CHCHD3: variants seen among roughly 807,000 people sequenced by gnomAD.
CHCHD3 encodes coiled-coil-helix-coiled-coil-helix domain containing 3, also known as MICOS complex subunit MIC19.
In CHCHD3, 20 loss-of-function variants were observed where a neutral mutation model predicts 38.2. That is an observed-to-expected ratio of 0.52 (90% CI 0.37 to 0.76). The LOEUF is 0.76. CHCHD3 is among the 30% of genes least tolerant of loss of function. CHCHD3 has a pLI of 0.00. For missense variants in CHCHD3, 245 were observed against 279.2 expected (o/e 0.88, Z 0.87); for synonymous variants, 82 against 100.0 (o/e 0.82, Z 1.07).
intron 5 of CHCHD3, among the ~76,000 whole-genome samples, chr7:132,862,149 G>A (rs1387534513): frequency 6.6e-6 from 1 of 151,746 alleles, no homozygotes; most frequent in Non-Finnish European, 1.5e-5. Context: ...AGGAGGGAAA[G>A]AAGAAACGAA....
At chr7:133,007,914 G>A (rs538199242) in intron 3 of CHCHD3, among the ~76,000 whole-genome samples, 3 of 152,282 alleles carry the variant, frequency 2.0e-5, no homozygotes, top group Admixed American at 6.5e-5. Flanking sequence ...TTAACAAGAT[G>A]TTCTACAGGT....
intron 7 of CHCHD3, among the ~76,000 whole-genome samples, chr7:132,786,906 A>G (rs1455272183): frequency 6.6e-6 from 1 of 152,208 alleles, no homozygotes; most frequent in African/African-American, 2.4e-5. Context: ...TCCGTTTCCC[A>G]GTTTCTGTGT....
chr7:132,965,002 C>T (rs1001375145), intron 4 of CHCHD3, among the ~76,000 whole-genome samples: 6 of 151,802 alleles, frequency 4.0e-5, no homozygotes, highest in African/African-American at 7.3e-5. Flanking sequence ...AAGGCCTATT[C>T]GAGTAGTTAC....
At chr7:132,942,205 G>A (rs1295568986) in intron 4 of CHCHD3, among the ~76,000 whole-genome samples, 3 of 152,106 alleles carry the variant, frequency 2.0e-5, no homozygotes, top group Admixed American at 6.6e-5. Context: ...AAAGTCACAC[G>A]GGCAGGAGGA....
intron 4 of CHCHD3, among the ~76,000 whole-genome samples, chr7:132,954,081 G>A (rs1240964759): frequency 6.6e-6 from 1 of 152,200 alleles, no homozygotes; most frequent in Middle Eastern, 3.2e-3. Context: ...GCTGAGAGGT[G>A]TGGTAGAAAG....
rs1166811109 is a variant in CHCHD3, at chr7:132,939,290, G to A, written c.369+35879C>T. Among the ~76,000 whole-genome samples the A allele has an allele frequency of 2.6e-5, 4 of 152,250 alleles. No homozygotes were observed. The East Asian group carries it at 5.8e-4, about 22-fold the overall frequency. On this transcript the variant is annotated intron_variant, in intron 4 of 7. Transcript: ENST00000262570. ...ATACAACAATGTCCTAGGCCTTCAT[G>A]TTTACTCATCACTCACTGACTTGCC...
intron 3 of CHCHD3, among the ~76,000 whole-genome samples, chr7:132,984,789 G>A (rs1812043708): frequency 7.0e-6 from 1 of 143,884 alleles, no homozygotes; most frequent in Admixed American, 6.9e-5. Flanking sequence ...CCGCCCGGCA[G>A]CCACTCCGTC....
chr7:132,862,799 T>C (rs1339831028), intron 5 of CHCHD3, among the ~76,000 whole-genome samples: 1 of 152,250 alleles, frequency 6.6e-6, no homozygotes, highest in Non-Finnish European at 1.5e-5. Flanking sequence ...ATTCACATCA[T>C]CTTTACCAAC....
At chr7:132,934,271 G>A (rs1170358992) in intron 4 of CHCHD3, among the ~76,000 whole-genome samples, 3 of 152,138 alleles carry the variant, frequency 2.0e-5, no homozygotes, top group African/African-American at 7.2e-5. Context: ...TCTACACACC[G>A]CATTTGGTTC....
intron 4 of CHCHD3, among the ~76,000 whole-genome samples, chr7:132,946,764 GAT>G (rs1272868762): frequency 1.3e-5 from 2 of 151,740 alleles, no homozygotes; most frequent in Non-Finnish European, 2.9e-5. Flanking sequence ...TGAAATATGT[GAT>G]AGTTTACCAA....
At chr7:132,855,330 A>T (rs1808319648) in intron 5 of CHCHD3, among the ~76,000 whole-genome samples, 1 of 152,216 alleles carries the variant, frequency 6.6e-6, no homozygotes, top group Non-Finnish European at 1.5e-5. Context: ...TGATACACAT[A>T]TCTGAAGTTT....
chr7:133,003,342 TA>T (rs1180627463), intron 3 of CHCHD3, among the ~76,000 whole-genome samples: 1 of 152,180 alleles, frequency 6.6e-6, no homozygotes, highest in African/African-American at 2.4e-5. Flanking sequence ...CTGTGTGCTG[TA>T]AAAATGGGCT....
At chr7:133,058,667 T>A (rs1204443246) in intron 2 of CHCHD3, among the ~76,000 whole-genome samples, 1 of 152,180 alleles carries the variant, frequency 6.6e-6, no homozygotes, top group Non-Finnish European at 1.5e-5. Context: ...CAATCAATAT[T>A]TTATCTTATT....
chr7:132,985,924 C>T lies in CHCHD3; in HGVS notation c.252-10638G>A, dbSNP rs528872909. ...GGTGTACTCAACAGCTCATTGAGAA[C>T]GGGCCATGATGACCATGGCGGTTTT... On this transcript the variant is annotated intron_variant, in intron 3 of 7. Coordinates refer to ENST00000262570, the MANE Select transcript of CHCHD3 (RefSeq NM_017812.4). Among the ~76,000 whole-genome samples, 12 of 151,324 alleles carry T rather than the reference C, an allele frequency of 7.9e-5. No individual in the cohort carries two copies. In the South Asian group the frequency reaches 2.3e-3, roughly 29 times the overall value.
chr7:132,849,369 C>T (rs192778479), intron 5 of CHCHD3: 71 of 152,316 alleles, frequency 4.7e-4, no homozygotes, highest in African/African-American at 1.6e-3. Flanking sequence ...AACTCAAAAA[C>T]CTAGTTATTT....
At chr7:132,948,091 T>C (rs1396432199) in intron 4 of CHCHD3, among the ~76,000 whole-genome samples, 1 of 152,096 alleles carries the variant, frequency 6.6e-6, no homozygotes, top group East Asian at 1.9e-4. Flanking sequence ...TTTCTTTTGT[T>C]TTTAACAAAT....
intron 7 of CHCHD3, among the ~76,000 whole-genome samples, chr7:132,796,182 C>A (rs1806606327): frequency 6.6e-6 from 1 of 151,916 alleles, no homozygotes; most frequent in African/African-American, 2.4e-5. Context: ...AAGTTCAGGG[C>A]AAGTGGAAAA....
chr7:132,972,773 C>G, intron 4 of CHCHD3: 3 of 985,394 alleles, frequency 3.0e-6, no homozygotes, highest in Non-Finnish European at 3.6e-6. Context: ...GCAAATATTA[C>G]AACAGATGCT....
At chr7:133,014,743 A>G (rs184484533) in intron 3 of CHCHD3, among the ~76,000 whole-genome samples, 143 of 152,316 alleles carry the variant, frequency 9.4e-4, no homozygotes, top group Non-Finnish European at 1.5e-3. Context: ...TCATTAATTA[A>G]AGTAATTCCT....
Sources: gnomAD v4.1 joint callset for allele counts (sites outside exome capture counted in the v4.1 genomes callset) on GRCh38, gnomAD v4.1.1 for gene constraint, MANE v1.5 for transcripts, NCBI Gene and HGNC (gene_info 2026-07-23, HGNC 2026-07-21) for gene names.